PRRC2A: variants seen among roughly 807,000 people sequenced by gnomAD.
PRRC2A encodes the protein proline rich coiled-coil 2A.
A neutral mutation model predicts 224.6 loss-of-function variants in PRRC2A; 59 were observed. That is an observed-to-expected ratio of 0.26 (90% CI 0.21 to 0.33). PRRC2A has a LOEUF of 0.33. PRRC2A is among the 10% of genes least tolerant of loss of function. The pLI is 1.00. For synonymous variants in PRRC2A, 1,194 were observed against 1,109.5 expected (o/e 1.08, Z -1.51); for missense variants, 3,095 against 2,880.7 (o/e 1.07, Z -1.70).
rs552649210 is a variant in PRRC2A, at chr6:31,625,861, G to A, written c.829G>A (p.Asp277Asn). The change falls in exon 8 of 31, where the codon GAT becomes AAT. Residue 277 changes from aspartate (D) to asparagine (N), a missense_variant. Asp to Asn is a conservative substitution (Grantham distance 23). Around this residue, in one of 8 missense-constraint regions of PRRC2A, gnomAD observed 287 missense variants for 275.3 expected, o/e 1.04. Transcript: ENST00000376033. This position sits in a 1 kb window ranked among gnomAD's most constrained non-coding sequence, Gnocchi z 4.1. ...PQGPYRYPTP[D>N]GPSRFPRVAG... ...GGGGCCTTACCGATACCCCACTCCTGATGGGCCCAGGTGAGCAATCCAGGT... is the reference window on the plus strand; with the variant it reads ...GGGGCCTTACCGATACCCCACTCCTAATGGGCCCAGGTGAGCAATCCAGGT... 1.9e-6 allele frequency: 3 copies of A among 1,587,948 alleles called. No individual in the cohort carries two copies. The South Asian group carries it at 3.3e-5, about 18-fold the overall frequency.
At position 31,623,767 on chromosome 6, in the gene PRRC2A, G is replaced by C. The variant is rs1775584037; in HGVS notation, c.148G>C (p.Val50Leu). 6.2e-7 allele frequency: 1 copy of C among 1,614,220 alleles called. No homozygotes were observed. The highest frequency in any genetic ancestry group is 1.3e-5 in the African/African-American group (1 of 75,054). ...CCATGGCCTGCAGAGTCTCGGGAAA[G>C]TTGCCATTGCCCGGCGTATGCCACC... is the stretch of plus-strand genomic sequence containing the variant. The part of the protein sequence containing the change: ...PRHGLQSLGK[V>L]AIARRMPPPA... Residue 50 changes from valine (V) to leucine (L), a missense_variant, in exon 3 of 31, where the codon GTT (valine) becomes CTT (leucine). Around this residue, in one of 8 missense-constraint regions of PRRC2A, gnomAD observed 64 missense variants for 68.2 expected, o/e 0.94. Coordinates refer to ENST00000376033, the MANE Select transcript of PRRC2A (RefSeq NM_004638.4).
chr6:31,630,961 C>A (rs1435361485), intron 15 of PRRC2A, among the ~76,000 whole-genome samples, 160 bp downstream of exon 15: 2 of 152,114 alleles, frequency 1.3e-5, no homozygotes, highest in African/African-American at 4.8e-5. Context: ...GAGGCTGAGG[C>A]AAGAAGATTG....
At chr6:31,633,131 G>C (rs894201102) in intron 16 of PRRC2A, 139 bp downstream of exon 16, 3 of 1,273,744 alleles carry the variant, frequency 2.4e-6, no homozygotes, top group Non-Finnish European at 3.1e-6. Flanking sequence ...GGATTTCCAT[G>C]TCTGGCTAAG....
At chr6:31,637,387 T>TC (rs144178703) in intron 30 of PRRC2A, 59 bp from the exon 31 acceptor site, 3 of 1,602,616 alleles carry the variant, frequency 1.9e-6, no homozygotes, top group Non-Finnish European at 2.6e-6. Flanking sequence ...TTCCTGTCCT[T>TC]CCGTCTCATC....
chr6:31,620,950 CG>C, intron 1 of PRRC2A, 92 bp downstream of exon 1: 3 of 155,382 alleles, frequency 1.9e-5, no homozygotes, highest in South Asian at 1.7e-4. Context: ...GGTGGTGGGC[CG>C]GGGGGAGGAG....
In PRRC2A at chr6:31,633,339, G is replaced by A. The variant is rs374999533; in HGVS notation, c.4320-40G>A. 149 of 1,582,320 alleles carry A rather than the reference G, an allele frequency of 9.4e-5. 3 individuals are homozygous for A. The highest frequency in any genetic ancestry group is 4.5e-4 in the East Asian group (20 of 44,462). On this transcript the variant is annotated intron_variant, in intron 16 of 30. Coordinates refer to ENST00000376033, the MANE Select transcript of PRRC2A (RefSeq NM_004638.4). ...AACATAACTTGTGGGAAAAAGTAAC[G>A]ATTTAGTGGATACTGGAGCTAATGC...
rs3130626 is a variant in PRRC2A, at chr6:31,630,712, A to G, written c.2376A>G (p.Val792=). The change falls in exon 15 of 31, where the codon GTA becomes GTG. Residue 792 remains valine (V), a synonymous_variant. Coordinates refer to ENST00000376033, the MANE Select transcript of PRRC2A (RefSeq NM_004638.4). ...TPPVDPKLAW[V]GDVFTATPAE... is the part of the protein sequence containing the mutation. ...CGGTGGATCCAAAGTTGGCCTGGGT[A>G]GGAGATGTCTTCACCGCCACACCCG... 0.18 allele frequency: 283,262 copies of G among 1,612,116 alleles called. 26,681 individuals carry two copies. Among genetic ancestry groups the G allele is most frequent in the African/African-American group, 0.2 (14,919 of 73,344 alleles).
chr6:31,637,233 G>GGTC lies in PRRC2A; in HGVS notation c.6243_6245dup (p.Ser2082dup). 1 of 1,610,484 alleles carries GGTC rather than the reference G, an allele frequency of 6.2e-7. No homozygotes were observed. Among genetic ancestry groups the GGTC allele is most frequent in the Non-Finnish European group, 8.5e-7 (1 of 1,177,708 alleles). On this transcript the variant is annotated inframe_insertion and splice_region_variant. Transcript: ENST00000376033. ...TGCCTTAGACGCCCTTCTTCCCTTAGGTCCTTCTCTGGCCTCAATTCCCGT... is the reference window on the plus strand; with the variant it reads ...TGCCTTAGACGCCCTTCTTCCCTTAGGTCGTCCTTCTCTGGCCTCAATTCCCGT...
At chr6:31,630,110 A>C (rs1776374678) in intron 14 of PRRC2A, among the ~76,000 whole-genome samples, 1 of 152,200 alleles carries the variant, frequency 6.6e-6, no homozygotes, top group African/African-American at 2.4e-5. Flanking sequence ...TGAGTTCAGG[A>C]GTTCGAGACC....
intron 17 of PRRC2A, 83 bp from the exon 18 acceptor site, chr6:31,633,776 A>G (rs1776975266): frequency 6.5e-7 from 1 of 1,531,254 alleles, no homozygotes; most frequent in Admixed American, 2.2e-5. Flanking sequence ...GCAAGGGTAG[A>G]AGAATTGGGA....
chr6:31,626,212 A>G, intron 9 of PRRC2A, 50 bp downstream of exon 9: 1 of 1,570,540 alleles, frequency 6.4e-7, no homozygotes, highest in East Asian at 2.2e-5. Flanking sequence ...GGCAAAACCT[A>G]ATGAGGAAAA....
At position 31,637,737 on chromosome 6, in the gene PRRC2A, T is replaced by A; in HGVS notation, c.*151T>A. ...GTCCCCTGTCCCTGGGGCTGTTTGT[T>A]AAAAAAGAGTAATAAAAGGATTTAA... On this transcript the variant is annotated 3_prime_UTR_variant, in exon 31 of 31. Transcript: ENST00000376033. 6.7e-6 allele frequency: 3 copies of A among 445,558 alleles called. No homozygotes were observed. Among genetic ancestry groups the A allele is most frequent in the East Asian group, 3.6e-5 (1 of 27,402 alleles). 27.6% of individuals were successfully genotyped at this position (445,558 alleles called of 1,614,324 possible). A position where few individuals can be genotyped will look rare whatever the true frequency, so the allele number is the denominator to read the frequency against.
rs1777386355 is a variant in PRRC2A, at chr6:31,636,663, C to G, written c.5934+55C>G. On this transcript the variant is annotated intron_variant, in intron 27 of 30. Transcript: ENST00000376033. The surrounding 1 kb of genome is among the most constrained non-coding windows in gnomAD (Gnocchi z 4.3). ...TTTGATTTCTCTGTCCAGTTGCTGG[C>G]TTTGATTTTCCCTGGTTTTCTGACA... is the stretch of plus-strand genomic sequence containing the variant. The G allele has an allele frequency of 1.9e-6, 3 of 1,592,386 alleles. No homozygotes were observed. Among genetic ancestry groups the G allele is most frequent in the Admixed American group, 3.4e-5 (2 of 59,506 alleles).
Position 31,633,924 on chromosome 6 carries a change from G to C in PRRC2A, c.4654G>C (p.Gly1552Arg), listed in dbSNP as rs773338283. 1.3e-6 allele frequency: 2 copies of C among 1,588,966 alleles called. No individual in the cohort carries two copies. The highest frequency in any genetic ancestry group is 4.5e-5 in the East Asian group (2 of 44,750). The stretch of plus-strand genomic sequence containing the variant: ...GGGTGGGACTCCTCGGGACTCTGCC[G>C]GGGTTAGTCCCTTTCCCCCTAAACG... ...GVGGTPRDSA[G>R]VSPFPPKRRE... is the part of the protein sequence containing the mutation. Residue 1552 changes from glycine (G) to arginine (R), a missense_variant, in exon 18 of 31, where the codon GGG (glycine) becomes CGG (arginine). Coordinates refer to ENST00000376033, the MANE Select transcript of PRRC2A (RefSeq NM_004638.4).
Position 31,622,687 on chromosome 6 carries a change from CAGGGGACAGAGACTG to C in PRRC2A, c.-100_-86del, listed in dbSNP as rs984381165. 18 of 813,010 alleles carry C rather than the reference CAGGGGACAGAGACTG, an allele frequency of 2.2e-5. No homozygotes were observed. In the African/African-American group the frequency reaches 2.7e-4, roughly 12 times the overall value. 50.4% of individuals were successfully genotyped at this position (813,010 alleles called of 1,614,324 possible). On this transcript the variant is annotated splice_acceptor_variant and 5_prime_UTR_variant, in exon 2 of 31. Coordinates refer to ENST00000376033, the MANE Select transcript of PRRC2A (RefSeq NM_004638.4). LOFTEE classifies it low-confidence loss of function (5UTR_SPLICE). ...TTTTAAGTTTCTGTTATGGTCTGTA[CAGGGGACAGAGACTG>C]AGACACTTGCTGTCTGGCCCACAGG...
At chr6:31,629,084 G>A in intron 12 of PRRC2A, 60 bp from the exon 13 acceptor site, 2 of 1,525,066 alleles carry the variant, frequency 1.3e-6, no homozygotes, top group South Asian at 1.1e-5. Flanking sequence ...AGATTCCTGG[G>A]GTGTTCATGG....
Position 31,636,485 on chromosome 6 carries a change from T to A in PRRC2A, c.5836-25T>A. The A allele has an allele frequency of 1.2e-6, 2 of 1,608,944 alleles. No individual in the cohort carries two copies. The highest frequency in any genetic ancestry group is 1.7e-6 in the Non-Finnish European group (2 of 1,176,928). ...GGGAGAATGATTTTGTGGGGGTTGATATATTTCTCCCTGTTTCCCGACAGG... is the reference window on the plus strand; with the variant it reads ...GGGAGAATGATTTTGTGGGGGTTGAAATATTTCTCCCTGTTTCCCGACAGG... On this transcript the variant is annotated intron_variant, in intron 26 of 30. Coordinates refer to ENST00000376033, the MANE Select transcript of PRRC2A (RefSeq NM_004638.4). The surrounding 1 kb of genome is among the most constrained non-coding windows in gnomAD (Gnocchi z 4.3).
rs958398121 is a variant in PRRC2A at position 31,632,676 on chromosome 6, C to A, written c.4003C>A (p.Arg1335=). The stretch of plus-strand genomic sequence containing the variant: ...GAGCAGTGACTTCACCAGTGAGCGC[C>A]GAGGGGACAAAGAGGCACCCCCACC... ...SESSDFTSER[R]GDKEAPPPVL... The change falls in exon 16 of 31, where the codon CGA becomes AGA. Residue 1335 remains arginine (R), a synonymous_variant. Coordinates refer to ENST00000376033, the MANE Select transcript of PRRC2A (RefSeq NM_004638.4). 6 of 1,613,046 alleles carry A rather than the reference C, an allele frequency of 3.7e-6. No homozygotes were observed. The highest frequency in any genetic ancestry group is 1.6e-4 in the Middle Eastern group (1 of 6,062).
intron 2 of PRRC2A, chr6:31,623,259 A>ATTTTTTTTTTTTTTTTTTTTTTTTTTTT (rs3993756): frequency 3.8e-6 from 1 of 265,696 alleles, no homozygotes; most frequent in Non-Finnish European, 6.8e-6. Flanking sequence ...GATTTCATAG[A>ATTTTTTTTTTTTTTTTTTTTTTTTTTTT]TTTTTTTTTT....
Sources: gnomAD v4.1 joint callset for allele counts (sites outside exome capture counted in the v4.1 genomes callset) on GRCh38, gnomAD v4.1.1 for gene constraint, gnomAD v4.1.1 regional missense constraint, Gnocchi (gnomAD v3.1) non-coding constraint, MANE v1.5 for transcripts, NCBI Gene and HGNC (gene_info 2026-07-23, HGNC 2026-07-21) for gene names.